OPCML: variants seen among roughly 807,000 people sequenced by gnomAD.
OPCML encodes opioid-binding protein/cell adhesion molecule.
A neutral mutation model predicts 37.8 loss-of-function variants in OPCML; 13 were observed. The observed-to-expected ratio is 0.34, with a 90% CI of 0.22 to 0.55. The LOEUF (loss-of-function observed/expected upper bound fraction) is 0.55, where lower values mean the gene tolerates loss of function less well. OPCML is among the 20% of genes least tolerant of loss of function. OPCML has a pLI of 0.91. For synonymous variants in OPCML, 176 were observed against 168.8 expected (o/e 1.04, Z -0.33); for missense variants, 341 against 435.6 (o/e 0.78, Z 1.93).
chr11:133,336,584 C>G (rs935710768), intron 1 of OPCML, among the ~76,000 whole-genome samples: 6 of 152,092 alleles, frequency 3.9e-5, no homozygotes, highest in African/African-American at 1.4e-4. Flanking sequence ...AGAAATGTCC[C>G]AGTGCCTGAA....
intron 4 of OPCML, among the ~76,000 whole-genome samples, chr11:132,488,099 C>T (rs766591093): frequency 6.6e-6 from 1 of 152,220 alleles, no homozygotes; most frequent in Non-Finnish European, 1.5e-5. Context: ...AACCGCATGC[C>T]TATGCAGCTG....
chr11:132,940,888 G>C (rs951069600), intron 2 of OPCML, among the ~76,000 whole-genome samples: 1 of 152,062 alleles, frequency 6.6e-6, no homozygotes, highest in South Asian at 2.1e-4. Context: ...AATAATAAAA[G>C]AGAAGATGAC....
intron 4 of OPCML, among the ~76,000 whole-genome samples, chr11:132,476,498 T>C (rs2096156273): frequency 6.6e-6 from 1 of 152,118 alleles, no homozygotes; most frequent in African/African-American, 2.4e-5. Context: ...TACCATGGAA[T>C]ACTATGCGGC....
intron 1 of OPCML, among the ~76,000 whole-genome samples, chr11:133,492,826 G>A (rs946509722): frequency 3.3e-5 from 5 of 152,132 alleles, no homozygotes; most frequent in East Asian, 1.9e-4. Flanking sequence ...TCCTAACTGC[G>A]AGGTCTATTA....
chr11:133,245,843 C>A (rs1168003888), intron 1 of OPCML, among the ~76,000 whole-genome samples: 2 of 152,172 alleles, frequency 1.3e-5, no homozygotes, highest in East Asian at 3.9e-4. Flanking sequence ...CGGAAACCAT[C>A]TTTCTCAGCA....
At chr11:132,429,544 G>A (rs927000884) in intron 7 of OPCML, among the ~76,000 whole-genome samples, 4 of 152,124 alleles carry the variant, frequency 2.6e-5, no homozygotes, top group Admixed American at 1.3e-4. Flanking sequence ...GGCATGCCCC[G>A]AGCGTTCCCA....
At chr11:132,502,554 C>T (rs560723270) in intron 4 of OPCML, among the ~76,000 whole-genome samples, 164 of 152,070 alleles carry the variant, frequency 1.1e-3, no homozygotes, top group Non-Finnish European at 1.9e-3. Flanking sequence ...AATGGGGCCA[C>T]GGAATACAGT....
chr11:132,567,094 T>C (rs2096425239), intron 3 of OPCML, among the ~76,000 whole-genome samples: 1 of 152,024 alleles, frequency 6.6e-6, no homozygotes, highest in South Asian at 2.1e-4. Context: ...GCCTCAATCA[T>C]GCATTGGGAG....
intron 2 of OPCML, among the ~76,000 whole-genome samples, chr11:132,919,379 G>A (rs1260453303): frequency 6.6e-6 from 1 of 152,164 alleles, no homozygotes; most frequent in Non-Finnish European, 1.5e-5. Context: ...GAAGCTCTGG[G>A]TTGAGGCCCG....
At chr11:132,521,162 C>T (rs1018305766) in intron 4 of OPCML, among the ~76,000 whole-genome samples, 1 of 151,974 alleles carries the variant, frequency 6.6e-6, no homozygotes, top group African/African-American at 2.4e-5. Context: ...TGTTTTTTGG[C>T]CACATAAATG....
chr11:133,008,033 C>G, intron 1 of OPCML: 17 of 985,456 alleles, frequency 1.7e-5, no homozygotes, highest in Non-Finnish European at 1.9e-5. Context: ...AGAGAGCTGT[C>G]TCATTGTTGA....
Position 133,040,461 on chromosome 11 carries a change from C to A in OPCML, c.62-97451G>T, listed in dbSNP as rs1378985179. 9.2e-5 allele frequency among the ~76,000 whole-genome samples: 14 copies of A among 152,240 alleles called. 1 individual carries two copies. Among genetic ancestry groups the A allele is most frequent in the Admixed American group, 5.9e-4 (9 of 15,286 alleles). ...TGAGTCAAAGCCTTTCCCCATCTGGCCCCTCCAGTCCTTCCAAATGGAATG... is the reference window on the plus strand; with the variant it reads ...TGAGTCAAAGCCTTTCCCCATCTGGACCCTCCAGTCCTTCCAAATGGAATG... On this transcript the variant is annotated intron_variant, in intron 1 of 7. Coordinates refer to ENST00000524381, the MANE Select transcript of OPCML (RefSeq NM_001012393.5).
chr11:132,991,608 T>G (rs1399065702), intron 1 of OPCML, among the ~76,000 whole-genome samples: 1 of 152,208 alleles, frequency 6.6e-6, no homozygotes, highest in East Asian at 1.9e-4. Context: ...TTATTAAAAC[T>G]TAAACATATA....
intron 1 of OPCML, among the ~76,000 whole-genome samples, chr11:133,484,245 G>C (rs894375549): frequency 1.3e-5 from 2 of 152,122 alleles, no homozygotes; most frequent in East Asian, 1.9e-4. Flanking sequence ...TCTTTACAGG[G>C]GGATGGCAGT....
intron 1 of OPCML, among the ~76,000 whole-genome samples, chr11:133,078,272 A>G (rs1165048803): frequency 6.6e-6 from 1 of 152,184 alleles, no homozygotes; most frequent in Non-Finnish European, 1.5e-5. Flanking sequence ...CATGGGGCTG[A>G]GTGAAAACAC....
At chr11:132,901,327 A>G (rs571547002) in intron 2 of OPCML, among the ~76,000 whole-genome samples, 145 of 152,322 alleles carry the variant, frequency 9.5e-4, no homozygotes, top group Middle Eastern at 3.4e-3. Context: ...AAATCTCACC[A>G]TAATAAATCA....
rs568290281 is a variant in OPCML at position 132,749,416 on chromosome 11, G to A, written c.147-92097C>T. Among the ~76,000 whole-genome samples, 4 of 152,272 alleles carry A rather than the reference G, an allele frequency of 2.6e-5. No individual in the cohort carries two copies. In the South Asian group the frequency reaches 8.3e-4, roughly 32 times the overall value. Reference sequence around the variant, plus strand: ...ATCCAAGACGATAGGAAAGACTGAAGGAGGAAAAGGTTGGCAGGGAGTTTG... The same window carrying A: ...ATCCAAGACGATAGGAAAGACTGAAAGAGGAAAAGGTTGGCAGGGAGTTTG... On this transcript the variant is annotated intron_variant, in intron 2 of 7. Coordinates refer to ENST00000524381, the MANE Select transcript of OPCML (RefSeq NM_001012393.5).
intron 1 of OPCML, among the ~76,000 whole-genome samples, chr11:133,474,978 C>T (rs894628928): frequency 6.6e-6 from 1 of 152,156 alleles, no homozygotes; most frequent in Non-Finnish European, 1.5e-5. Context: ...TCCTGCCAAG[C>T]AGTGCAGGCA....
At chr11:132,710,522 A>G (rs555556860) in intron 2 of OPCML, among the ~76,000 whole-genome samples, 5 of 152,320 alleles carry the variant, frequency 3.3e-5, no homozygotes, top group African/African-American at 1.2e-4. Flanking sequence ...ACAATTGCCT[A>G]TTAGTTGTCA....
Sources: gnomAD v4.1 joint callset for allele counts (sites outside exome capture counted in the v4.1 genomes callset) on GRCh38, gnomAD v4.1.1 for gene constraint, MANE v1.5 for transcripts, NCBI Gene and HGNC (gene_info 2026-07-23, HGNC 2026-07-21) for gene names.